The following ABCB4 variants were observed in gnomAD, a reference collection of about 807,000 sequenced individuals.
ABCB4 encodes the protein phosphatidylcholine translocator ABCB4.
A neutral mutation model predicts 145.7 loss-of-function variants in ABCB4; 76 were observed. That is an observed-to-expected ratio of 0.52 (90% CI 0.43 to 0.63). The LOEUF (loss-of-function observed/expected upper bound fraction) is 0.63. Ranked by LOEUF, ABCB4 falls within the 30% of genes least tolerant of loss-of-function variation. The pLI is 0.00. For missense variants in ABCB4, 1,234 were observed against 1,553.1 expected, an observed-to-expected ratio of 0.79 and a Z score of 3.45; for synonymous variants, 517 against 566.8, an observed-to-expected ratio of 0.91 and a Z score of 1.25.
downstream of ABCB4, chr7:87,398,360 C>A: frequency 2.4e-6 from 2 of 818,346 alleles, no homozygotes; most frequent in Non-Finnish European, 2.1e-6. Flanking sequence ...GCATTATCTA[C>A]AGATATGGCT....
the ABCB4 span, among the ~76,000 whole-genome samples, chr7:87,368,391 G>A: frequency 2.0e-5 from 3 of 152,150 alleles, no homozygotes; most frequent in Non-Finnish European, 4.4e-5. Flanking sequence ...CAATAAAAGA[G>A]TGGTGGTCGT....
chr7:87,404,908 C>A (rs1399982334), intron 26 of ABCB4, among the ~76,000 whole-genome samples: 1 of 152,206 alleles, frequency 6.6e-6, no homozygotes, highest in Admixed American at 6.5e-5. Flanking sequence ...ATCACTTACA[C>A]ATTGCTGGTA....
chr7:87,378,313 T>C, the ABCB4 span, among the ~76,000 whole-genome samples: 1 of 144,142 alleles, frequency 6.9e-6, no homozygotes, highest in African/African-American at 2.6e-5. Context: ...GCCAGTGCAC[T>C]TCAGCCTGGG....
At chr7:87,389,981 G>A in the ABCB4 span, among the ~76,000 whole-genome samples, 1 of 152,006 alleles carries the variant, frequency 6.6e-6, no homozygotes, top group African/African-American at 2.4e-5. Context: ...TACCTTATAA[G>A]TCTTTTTTAA....
chr7:87,405,691 C>G (rs1010055448), intron 26 of ABCB4, among the ~76,000 whole-genome samples: 1 of 152,098 alleles, frequency 6.6e-6, no homozygotes, highest in African/African-American at 2.4e-5. Context: ...TCCCAAAGTG[C>G]TGAGATTACA....
At chr7:87,402,723 C>T (rs540962814) in intron 27 of ABCB4, among the ~76,000 whole-genome samples, 205 of 152,180 alleles carry the variant, frequency 1.3e-3, no homozygotes, top group Admixed American at 4.2e-3. Context: ...CACTATCAGC[C>T]GGGCAAGGTG....
At chr7:87,474,753 G>A (rs1165280367) in intron 2 of ABCB4, among the ~76,000 whole-genome samples, 3 of 152,162 alleles carry the variant, frequency 2.0e-5, no homozygotes, top group Admixed American at 2.0e-4. Context: ...TTTAACAAGG[G>A]CCAGGGGAAC....
chr7:87,412,091 A>G (rs1808665858), intron 22 of ABCB4, 58 bp from the exon 23 acceptor site: 8 of 1,603,616 alleles, frequency 5.0e-6, no homozygotes, highest in Non-Finnish European at 6.8e-6. Context: ...AGCGCTGTGT[A>G]GTGGAAAGAG....
chr7:87,457,638 C>G (rs548204130), intron 4 of ABCB4, among the ~76,000 whole-genome samples: 22 of 152,254 alleles, frequency 1.4e-4, no homozygotes, highest in African/African-American at 5.3e-4. Flanking sequence ...TGATCATTTA[C>G]TATGTTCCAG....
intron 26 of ABCB4, among the ~76,000 whole-genome samples, chr7:87,405,390 T>C (rs187304982): frequency 2.6e-5 from 4 of 151,532 alleles, no homozygotes; most frequent in Admixed American, 2.6e-4. Flanking sequence ...AAAAGGGCAA[T>C]ATGAGGGATC....
chr7:87,436,997 A>G (rs1456819251), intron 14 of ABCB4, among the ~76,000 whole-genome samples: 1 of 152,190 alleles, frequency 6.6e-6, no homozygotes, highest in East Asian at 1.9e-4. Flanking sequence ...CTATCACTGT[A>G]TGAACATTTT....
the ABCB4 span, among the ~76,000 whole-genome samples, chr7:87,380,097 C>G: frequency 6.6e-6 from 1 of 152,080 alleles, no homozygotes; most frequent in Non-Finnish European, 1.5e-5. Flanking sequence ...GGCAACAGAA[C>G]AAGACCCTGT....
chr7:87,429,928 GA>G (rs1810093650), intron 15 of ABCB4, among the ~76,000 whole-genome samples: 1 of 138,516 alleles, frequency 7.2e-6, no homozygotes, highest in African/African-American at 2.7e-5. Context: ...AAAAAAAAAA[GA>G]AAAACAGCTT....
At chr7:87,475,951 C>T (rs930471520), upstream of ABCB4, among the ~76,000 whole-genome samples, 7 of 152,296 alleles carry the variant, frequency 4.6e-5, no homozygotes, top group Admixed American at 3.3e-4. Context: ...AGGATAAGAC[C>T]GAGATCAGGC....
the ABCB4 span, among the ~76,000 whole-genome samples, chr7:87,366,232 G>A: frequency 3.3e-5 from 5 of 150,354 alleles, no homozygotes; most frequent in Admixed American, 1.3e-4. Flanking sequence ...CTGTACCCTC[G>A]CAAGGGGGAA....
chr7:87,455,782 A>T (rs1812061918), intron 4 of ABCB4, among the ~76,000 whole-genome samples: 1 of 149,488 alleles, frequency 6.7e-6, no homozygotes. Flanking sequence ...TTCCTTTGCC[A>T]TGTGTAAATA....
intron 14 of ABCB4, among the ~76,000 whole-genome samples, chr7:87,436,101 TG>T (rs1363650947): frequency 6.6e-6 from 1 of 152,176 alleles, no homozygotes; most frequent in Non-Finnish European, 1.5e-5. Flanking sequence ...TTCCCCTAGC[TG>T]TGTACAATGA....
chr7:87,426,234 A>C (rs1381411446), intron 16 of ABCB4, among the ~76,000 whole-genome samples: 1 of 152,188 alleles, frequency 6.6e-6, no homozygotes, highest in African/African-American at 2.4e-5. Flanking sequence ...ACCTGATGCC[A>C]GGGTAGTGCA....
At chr7:87,372,146 G>A in the ABCB4 span, among the ~76,000 whole-genome samples, 1 of 151,834 alleles carries the variant, frequency 6.6e-6, no homozygotes, top group Non-Finnish European at 1.5e-5. Context: ...ATTTATTTGT[G>A]TTTTCTGTGA....
Sources: allele counts gnomAD v4.1 joint callset (sites outside exome capture counted in the v4.1 genomes callset), GRCh38; gene constraint gnomAD v4.1.1; transcripts MANE v1.5; gene names NCBI Gene and HGNC (gene_info 2026-07-23, HGNC 2026-07-21).